Variants in PCM1 observed in about 807,000 individuals in gnomAD.
PCM1 encodes pericentriolar material 1 protein.
In PCM1, 157 loss-of-function variants were observed where a neutral mutation model predicts 241.9. The ratio of observed to expected loss-of-function variants is 0.65; its 90% CI spans 0.57 to 0.74. The LOEUF (loss-of-function observed/expected upper bound fraction) is 0.74. Among genes scored for constraint, PCM1 ranks in the 30% least tolerant of loss-of-function variants. The pLI is 0.00. For synonymous variants in PCM1, 1,085 were observed against 784.9 expected, an observed-to-expected ratio of 1.38 and a Z score of -6.39; for missense variants, 3,478 against 2,360.1, an observed-to-expected ratio of 1.47 and a Z score of -9.81.
rs956322228 is a variant in PCM1, at chr8:17,957,547, A to G, written c.1812A>G (p.Arg604=). ...ALNMPPSLDC[R]YNREGEQEIH... is the part of the protein sequence containing the mutation. ...TATACATGTTTTCAGCAGATTGTCGATATAATAGAGAAGGGGAACAGGAGA... is the reference window on the plus strand; with the variant it reads ...TATACATGTTTTCAGCAGATTGTCGGTATAATAGAGAAGGGGAACAGGAGA... Residue 604 remains arginine, a synonymous_variant, in exon 13 of 39, where the codon CGA becomes CGG. Transcript: ENST00000325083. 4 of 1,584,342 alleles carry G rather than the reference A, an allele frequency of 2.5e-6. No homozygotes were observed. Among genetic ancestry groups the G allele is most frequent in the East Asian group, 2.3e-5 (1 of 43,768 alleles).
chr8:17,951,120 C>G (rs908543732), intron 8 of PCM1, among the ~76,000 whole-genome samples: 4 of 152,152 alleles, frequency 2.6e-5, no homozygotes, highest in Non-Finnish European at 5.9e-5. Flanking sequence ...TCTATACAGC[C>G]TTGGAATTCT....
chr8:17,963,051 C>A, intron 16 of PCM1, 50 bp from the exon 17 acceptor site: 3 of 1,403,008 alleles, frequency 2.1e-6, no homozygotes, highest in African/African-American at 1.4e-5. Flanking sequence ...CTCTTTTAGG[C>A]TACAGCAAAT....
Position 17,923,816 on chromosome 8 carries a change from C to T in PCM1, c.-91+628C>T, listed in dbSNP as rs143839624. Among the ~76,000 whole-genome samples, 798 of 152,166 alleles carry T rather than the reference C, an allele frequency of 5.2e-3. 7 individuals are homozygous for T. Among genetic ancestry groups the T allele is most frequent in the African/African-American group, 0.018 (742 of 41,506 alleles). On this transcript the variant is annotated intron_variant, in intron 1 of 38. Coordinates refer to ENST00000325083, the MANE Select transcript of PCM1 (RefSeq NM_006197.4). ...TTGCCCCTTCTTTCTCCCTTCCTACCTATCTAGTTAGAATTGGGCCTAGAA... is the reference window on the plus strand; with the variant it reads ...TTGCCCCTTCTTTCTCCCTTCCTACTTATCTAGTTAGAATTGGGCCTAGAA...
chr8:17,957,245 G>T lies in PCM1; in HGVS notation c.1647-19G>T. The T allele has an allele frequency of 6.4e-7, 1 of 1,564,250 alleles. No homozygotes were observed. Among genetic ancestry groups the T allele is most frequent in the Non-Finnish European group, 8.6e-7 (1 of 1,156,324 alleles). On this transcript the variant is annotated intron_variant, in intron 11 of 38. Coordinates refer to ENST00000325083, the MANE Select transcript of PCM1 (RefSeq NM_006197.4). Reference sequence around the variant, plus strand: ...TTTTTTGTGCCTTAAATGACTTCAGGCTGTTTTCTTTCTTCTAGAAATCCA... The same window carrying T: ...TTTTTTGTGCCTTAAATGACTTCAGTCTGTTTTCTTTCTTCTAGAAATCCA...
rs2068923632 is a variant in PCM1, at chr8:17,957,166, G to A, written c.1647-98G>A. The A allele has an allele frequency of 5.6e-6, 5 of 900,138 alleles. No homozygotes were observed. The Admixed American group carries it at 1.0e-4, about 19-fold the overall frequency. The allele number at this position is 900,138 out of a possible 1,614,324, so 55.8% of individuals were successfully genotyped here. On this transcript the variant is annotated intron_variant, in intron 11 of 38. Coordinates refer to ENST00000325083, the MANE Select transcript of PCM1 (RefSeq NM_006197.4). ...ATTTAAATGGAATAGCCAACAATGTGCTTGGTTTGGTGTTATTTTATTAGC... is the reference window on the plus strand; with the variant it reads ...ATTTAAATGGAATAGCCAACAATGTACTTGGTTTGGTGTTATTTTATTAGC...
At chr8:17,926,171 T>A (rs997524781) in intron 2 of PCM1, 1 of 152,154 alleles carries the variant, frequency 6.6e-6, no homozygotes, top group African/African-American at 2.4e-5. Context: ...GATTTTCCTT[T>A]TAGCACATTG....
At chr8:18,026,848 A>T (rs1439441928) in intron 38 of PCM1, among the ~76,000 whole-genome samples, 3 of 152,040 alleles carry the variant, frequency 2.0e-5, no homozygotes, top group Admixed American at 1.3e-4. Context: ...GTTCAGTTTT[A>T]CCCATATTCT....
chr8:17,958,952 C>A (rs1056618794), intron 13 of PCM1, among the ~76,000 whole-genome samples: 8 of 152,082 alleles, frequency 5.3e-5, no homozygotes, highest in Non-Finnish European at 1.0e-4. Flanking sequence ...GAACTCCTGG[C>A]CTCAGGCAGT....
At chr8:18,003,360 C>G (rs1354107388) in intron 29 of PCM1, among the ~76,000 whole-genome samples, 1 of 152,166 alleles carries the variant, frequency 6.6e-6, no homozygotes, top group Non-Finnish European at 1.5e-5. Flanking sequence ...CTCATAAAAC[C>G]TTTTACAGCT....
rs570676222 is a variant in PCM1, at chr8:17,966,079, A to G, written c.2936A>G (p.Gln979Arg). ...AKTRQQNISM[Q>R]RQENLRWVSE... ...ACAAGGCAACAGAATATCAGCATGC[A>G]ACGGCAAGAAAACCTTCGTTGGGTG... The change falls in exon 19 of 39, where the codon CAA becomes CGA. Residue 979 changes from glutamine to arginine, a missense_variant. By Grantham distance (43) the Gln-to-Arg change is conservative (BLOSUM62 1). Transcript: ENST00000325083. The G allele has an allele frequency of 6.2e-6, 10 of 1,613,982 alleles. No individual in the cohort carries two copies. The highest frequency in any genetic ancestry group is 4.5e-5 in the East Asian group (2 of 44,866).
In PCM1 at chr8:17,966,043, C is replaced by G. The variant is rs892713542; in HGVS notation, c.2900C>G (p.Pro967Arg). The change falls in exon 19 of 39, where the codon CCT becomes CGT. Residue 967 changes from proline (P) to arginine (R), a missense_variant. Pro to Arg is a moderately radical substitution (Grantham distance 103). Coordinates refer to ENST00000325083, the MANE Select transcript of PCM1 (RefSeq NM_006197.4). ...CPFSADENYRPLAKTRQQNIS... is the reference protein window; with the variant it reads ...CPFSADENYRRLAKTRQQNIS... Reference sequence around the variant, plus strand: ...TTTTCGGCAGATGAAAATTATCGTCCTTTAGCCAAGACAAGGCAACAGAAT... The same window carrying G: ...TTTTCGGCAGATGAAAATTATCGTCGTTTAGCCAAGACAAGGCAACAGAAT... 8.1e-6 allele frequency: 13 copies of G among 1,613,270 alleles called. No homozygotes were observed. The highest frequency in any genetic ancestry group is 1.1e-5 in the Non-Finnish European group (13 of 1,179,654).
intron 21 of PCM1, among the ~76,000 whole-genome samples, chr8:17,968,740 G>GTT (rs1304413975): frequency 8.8e-6 from 1 of 114,042 alleles, no homozygotes; most frequent in Non-Finnish European, 2.1e-5. Context: ...ATGTGTGTGT[G>GTT]TGTGTGTGTG....
intron 23 of PCM1, chr8:17,980,071 G>T (rs1327141659): frequency 4.0e-5 from 6 of 151,422 alleles, no homozygotes; most frequent in Non-Finnish European, 8.8e-5. Flanking sequence ...AAAAAAAAAG[G>T]AATTTCTACC....
At chr8:17,973,981 A>T (rs982603613) in intron 23 of PCM1, among the ~76,000 whole-genome samples, 1 of 152,202 alleles carries the variant, frequency 6.6e-6, no homozygotes, top group Non-Finnish European at 1.5e-5. Flanking sequence ...ACATTTTTAA[A>T]AATTTCAGTA....
intron 1 of PCM1, among the ~76,000 whole-genome samples, chr8:17,923,589 C>T (rs2055483801): frequency 6.6e-6 from 1 of 151,836 alleles, no homozygotes; most frequent in African/African-American, 2.4e-5. Context: ...AGAAACAGGC[C>T]TTGGTGGCCA....
At chr8:17,967,959 G>T (rs1425307842) in intron 21 of PCM1, among the ~76,000 whole-genome samples, 4 of 151,880 alleles carry the variant, frequency 2.6e-5, no homozygotes, top group African/African-American at 9.7e-5. Context: ...TCAGGGTCTA[G>T]TGAGGATGCT....
At chr8:17,960,499 T>G in intron 15 of PCM1, 55 bp downstream of exon 15, 2 of 1,396,472 alleles carry the variant, frequency 1.4e-6, no homozygotes, top group Non-Finnish European at 2.0e-6. Context: ...AAACCTTAGG[T>G]CAACTGAAAG....
At chr8:17,979,395 C>T (rs980013918) in intron 23 of PCM1, among the ~76,000 whole-genome samples, 5 of 152,070 alleles carry the variant, frequency 3.3e-5, no homozygotes, top group African/African-American at 1.2e-4. Context: ...ACTAAGAAAG[C>T]CCAAGAGATA....
chr8:17,930,494 A>G (rs1238938545), intron 2 of PCM1, among the ~76,000 whole-genome samples: 6 of 152,140 alleles, frequency 3.9e-5, no homozygotes, highest in Admixed American at 3.9e-4. Flanking sequence ...TGTATTTGTA[A>G]TGGTGACATT....
Sources: gnomAD v4.1 joint callset for allele counts (sites outside exome capture counted in the v4.1 genomes callset) on GRCh38, gnomAD v4.1.1 for gene constraint, MANE v1.5 for transcripts, NCBI Gene and HGNC (gene_info 2026-07-23, HGNC 2026-07-21) for gene names.